MYO16: variants seen among roughly 807,000 people sequenced by gnomAD.
MYO16 encodes the protein unconventional myosin-XVI.
In MYO16, 94 loss-of-function variants were observed where a neutral mutation model predicts 205.3. The ratio of observed to expected loss-of-function variants is 0.46; its 90% CI spans 0.39 to 0.54. MYO16 has a LOEUF of 0.54. Ranked by LOEUF, MYO16 falls within the 20% of genes least tolerant of loss-of-function variation. The probability of loss-of-function intolerance (pLI) is 0.00; values close to 1 mark genes in which losing one functional copy is unlikely to be tolerated. For synonymous variants in MYO16, 988 were observed against 954.0 expected, an observed-to-expected ratio of 1.04 and a Z score of -0.66; for missense variants, 2,315 against 2,387.5, an observed-to-expected ratio of 0.97 and a Z score of 0.63.
At chr13:108,766,535 A>AG (rs1222785136) in intron 4 of MYO16, among the ~76,000 whole-genome samples, 1 of 152,130 alleles carries the variant, frequency 6.6e-6, no homozygotes, top group East Asian at 1.9e-4. Flanking sequence ...TTTCAGAGCA[A>AG]GGGGGGTTGC....
At chr13:109,007,155 A>G (rs897168660) in intron 21 of MYO16, among the ~76,000 whole-genome samples, 7 of 152,134 alleles carry the variant, frequency 4.6e-5, no homozygotes, top group South Asian at 4.1e-4. Context: ...TTGGGAGGCC[A>G]AGGCGGGTGG....
chr13:108,968,915 T>G (rs752566992), intron 20 of MYO16, among the ~76,000 whole-genome samples: 2 of 152,190 alleles, frequency 1.3e-5, no homozygotes, highest in Non-Finnish European at 2.9e-5. Context: ...AGGGAATAAG[T>G]TGGTCTTCCA....
At chr13:108,768,731 T>C (rs1885862320) in intron 4 of MYO16, among the ~76,000 whole-genome samples, 1 of 152,124 alleles carries the variant, frequency 6.6e-6, no homozygotes, top group African/African-American at 2.4e-5. Context: ...GAAAACATAA[T>C]GAAAATGAAG....
intron 6 of MYO16, among the ~76,000 whole-genome samples, chr13:108,805,836 T>A (rs927873511): frequency 2.6e-5 from 4 of 151,764 alleles, no homozygotes; most frequent in African/African-American, 9.7e-5. Flanking sequence ...CCCCAGCACT[T>A]TGGGAAGCCA....
intron 4 of MYO16, among the ~76,000 whole-genome samples, chr13:108,760,847 A>G (rs1885582408): frequency 1.3e-5 from 2 of 152,136 alleles, no homozygotes; most frequent in South Asian, 4.1e-4. Flanking sequence ...GGTAGCCACT[A>G]TTCTACTCTC....
intron 21 of MYO16, among the ~76,000 whole-genome samples, chr13:108,996,843 A>G (rs1885016734): frequency 6.6e-6 from 1 of 152,228 alleles, no homozygotes; most frequent in African/African-American, 2.4e-5. Flanking sequence ...ATGTTATTAT[A>G]GAGCTCTGCA....
chr13:108,830,229 A>C (rs1443557822), intron 9 of MYO16, among the ~76,000 whole-genome samples: 1 of 114,712 alleles, frequency 8.7e-6, no homozygotes, highest in Non-Finnish European at 1.9e-5. Context: ...AGAACTAGAA[A>C]TACCATTTGA....
the MYO16 span, among the ~76,000 whole-genome samples, chr13:108,563,762 T>C: frequency 6.6e-5 from 10 of 152,238 alleles, no homozygotes; most frequent in Non-Finnish European, 1.3e-4. Flanking sequence ...CTTAGGTTGC[T>C]TCCAAATTCT....
chr13:108,598,339 A>G (rs1340593573), intron 1 of MYO16, among the ~76,000 whole-genome samples: 1 of 152,172 alleles, frequency 6.6e-6, no homozygotes, highest in Non-Finnish European at 1.5e-5. Flanking sequence ...ACAGACAGAG[A>G]GACAACACTA....
At chr13:109,040,076 G>A (rs1444123923) in intron 23 of MYO16, among the ~76,000 whole-genome samples, 3 of 151,936 alleles carry the variant, frequency 2.0e-5, no homozygotes, top group Non-Finnish European at 4.4e-5. Context: ...CTATGACTTC[G>A]ATGAATGGAT....
At chr13:108,972,205 G>GTCTCTCTCTC (rs749547949) in intron 20 of MYO16, among the ~76,000 whole-genome samples, 15 of 11,140 alleles carry the variant, frequency 1.3e-3, no homozygotes, top group East Asian at 4.2e-3. Flanking sequence ...CTGAGACCCT[G>GTCTCTCTCTC]TCTCTCTCTC....
At chr13:108,711,823 G>C (rs1883734035) in intron 2 of MYO16, among the ~76,000 whole-genome samples, 1 of 152,202 alleles carries the variant, frequency 6.6e-6, no homozygotes, top group Admixed American at 6.5e-5. Context: ...GTGTAATAAT[G>C]AAATAAAAGA....
chr13:108,525,625 A>T, the MYO16 span, among the ~76,000 whole-genome samples: 1 of 152,202 alleles, frequency 6.6e-6, no homozygotes, highest in African/African-American at 2.4e-5. Context: ...GCTGATCTTG[A>T]TAGCACCAAC....
intron 14 of MYO16, 123 bp from the exon 15 acceptor site, chr13:108,897,893 A>T: frequency 1.3e-6 from 1 of 776,384 alleles, no homozygotes; most frequent in South Asian, 1.7e-5. Context: ...TCAATATAGC[A>T]TTCTATGAGC....
chr13:109,038,217 T>G (rs1886773891), intron 23 of MYO16, among the ~76,000 whole-genome samples: 1 of 152,194 alleles, frequency 6.6e-6, no homozygotes, highest in Non-Finnish European at 1.5e-5. Flanking sequence ...GGCCATGGGA[T>G]GCCCAGATGG....
intron 4 of MYO16, among the ~76,000 whole-genome samples, chr13:108,778,214 C>A (rs878537): frequency 0.34 from 51,635 of 152,004 alleles, 9,975 homozygotes; most frequent in East Asian, 0.63. Context: ...CATTTTTTCC[C>A]GGTGAAGTCA....
Position 109,100,961 on chromosome 13 carries a change from A to C in MYO16, c.3438+74A>C. ...ATGAGCTGAGTCATTGCAGGGAGCC[A>C]CCAGAATCTTCCTGGCAAAAACAAA... On this transcript the variant is annotated intron_variant, in intron 28 of 34. Transcript: ENST00000457511. 3 of 1,317,764 alleles carry C rather than the reference A, an allele frequency of 2.3e-6. No homozygotes were observed. In the South Asian group the frequency reaches 3.8e-5, roughly 17 times the overall value. 81.6% of individuals were successfully genotyped at this position (1,317,764 alleles called of 1,614,324 possible). A position where few individuals can be genotyped will look rare whatever the true frequency, so the allele number is the denominator to read the frequency against.
chr13:108,667,419 C>T (rs888598445), intron 2 of MYO16, among the ~76,000 whole-genome samples: 7 of 151,184 alleles, frequency 4.6e-5, no homozygotes, highest in Non-Finnish European at 1.0e-4. Flanking sequence ...CTTACTTTAC[C>T]CATGAAGGAA....
At chr13:109,007,019 G>A (rs538828052) in intron 21 of MYO16, among the ~76,000 whole-genome samples, 3 of 152,228 alleles carry the variant, frequency 2.0e-5, no homozygotes, top group South Asian at 4.1e-4. Flanking sequence ...AAGAGAAACC[G>A]ACTCAGTCAA....
Sources: gnomAD v4.1 joint callset for allele counts (sites outside exome capture counted in the v4.1 genomes callset) on GRCh38, gnomAD v4.1.1 for gene constraint, MANE v1.5 for transcripts, NCBI Gene and HGNC (gene_info 2026-07-23, HGNC 2026-07-21) for gene names.